MAN1C1: variants seen among roughly 807,000 people sequenced by gnomAD.
MAN1C1 encodes mannosyl-oligosaccharide 1,2-alpha-mannosidase IC.
In MAN1C1, 49 loss-of-function variants were observed where a neutral mutation model predicts 71.5. The observed-to-expected ratio is 0.69, with a 90% CI of 0.54 to 0.87. The LOEUF (loss-of-function observed/expected upper bound fraction) is 0.87. MAN1C1 is among the 40% of genes least tolerant of loss of function. The pLI is 0.00. For missense variants in MAN1C1, 743 were observed against 835.0 expected (o/e 0.89, Z 1.36); for synonymous variants, 352 against 343.7 (o/e 1.02, Z -0.27).
At chr1:25,767,646 TCCCCCCACACACAGACCCACACAGCC>T (rs2047456695) in intron 7 of MAN1C1, among the ~76,000 whole-genome samples, 2 of 75,804 alleles carry the variant, frequency 2.6e-5, no homozygotes, top group Non-Finnish European at 4.5e-5. Context: ...CATTACACAC[TCCCCCCACACACAGACCCACACAGCC>T]ACACTCTCCT....
In MAN1C1 at chr1:25,634,906, A is replaced by G. The variant is rs556853507; in HGVS notation, c.540+16569A>G. Among the ~76,000 whole-genome samples the G allele has an allele frequency of 5.9e-5, 9 of 151,944 alleles. No individual in the cohort carries two copies. In the South Asian group the frequency reaches 1.5e-3, roughly 25 times the overall value. ...TAATATTTTTGTTAAGGATTTTTGC[A>G]TCTATGTTTATGAGGGATATTGGTC... On this transcript the variant is annotated intron_variant, in intron 1 of 11. Coordinates refer to ENST00000374332, the MANE Select transcript of MAN1C1 (RefSeq NM_020379.4). This position sits in a 1 kb window ranked among gnomAD's most constrained non-coding sequence, Gnocchi z 4.6.
intron 1 of MAN1C1, among the ~76,000 whole-genome samples, chr1:25,665,472 A>G (rs530712675): frequency 6.6e-6 from 1 of 152,316 alleles, no homozygotes; most frequent in South Asian, 2.1e-4. Context: ...CCCCAGTAGC[A>G]AGACGGAAAA....
intron 2 of MAN1C1, among the ~76,000 whole-genome samples, chr1:25,706,917 G>T (rs1030324522): frequency 6.6e-6 from 1 of 152,194 alleles, no homozygotes; most frequent in Non-Finnish European, 1.5e-5. Flanking sequence ...TACACAGGCA[G>T]AATAGGGCAT....
chr1:25,656,095 C>CTTTTTTTTTTTTTTGTTT lies in MAN1C1; in HGVS notation c.541-30331_541-30330insGTTTTTTTTTTTTTTTTT, dbSNP rs2045761595. Among the ~76,000 whole-genome samples the CTTTTTTTTTTTTTTGTTT allele has an allele frequency of 2.7e-5, 2 of 74,988 alleles. 1 individual carries two copies. The highest frequency in any genetic ancestry group is 1.6e-4 in the African/African-American group (2 of 12,200). 49.2% of individuals were successfully genotyped at this position (74,988 alleles called of 152,430 possible). ...TATGTCTTAGGTTGGGATTATCAGT[C>CTTTTTTTTTTTTTTGTTT]TTTTTTTTTTTTTTTTTTTTTTGAG... On this transcript the variant is annotated intron_variant, in intron 1 of 11. Transcript: ENST00000374332.
Position 25,619,070 on chromosome 1 carries a change from G to A in MAN1C1, c.540+733G>A, listed in dbSNP as rs547883179. 3.9e-5 allele frequency among the ~76,000 whole-genome samples: 6 copies of A among 152,344 alleles called. No individual in the cohort carries two copies. The South Asian group carries it at 1.2e-3, about 32-fold the overall frequency. ...GATTGTACCAGGAGGGATTTAGAAG[G>A]ATCACTTTAAGTCTGAGTCTTAGTT... On this transcript the variant is annotated intron_variant, in intron 1 of 11. Coordinates refer to ENST00000374332, the MANE Select transcript of MAN1C1 (RefSeq NM_020379.4).
At chr1:25,712,956 A>G (rs1357178085) in intron 2 of MAN1C1, among the ~76,000 whole-genome samples, 1 of 152,210 alleles carries the variant, frequency 6.6e-6, no homozygotes, top group African/African-American at 2.4e-5. Flanking sequence ...TTGACTTGGG[A>G]TTAAACTCCC....
intron 5 of MAN1C1, among the ~76,000 whole-genome samples, chr1:25,755,885 T>C (rs1369083396): frequency 6.6e-6 from 1 of 152,180 alleles, no homozygotes; most frequent in Non-Finnish European, 1.5e-5. Context: ...CAGAGCTTCC[T>C]GCTGGCCCAT....
At chr1:25,731,825 C>T (rs1401407506) in intron 2 of MAN1C1, among the ~76,000 whole-genome samples, 1 of 152,178 alleles carries the variant, frequency 6.6e-6, no homozygotes, top group East Asian at 1.9e-4. Context: ...GAGAAGGCCA[C>T]CTGTCTGGCC....
At chr1:25,707,206 G>A (rs1009251599) in intron 2 of MAN1C1, among the ~76,000 whole-genome samples, 2 of 152,132 alleles carry the variant, frequency 1.3e-5, no homozygotes, top group African/African-American at 4.8e-5. Context: ...CTCAGGGAGC[G>A]GAAATGCCAA....
At chr1:25,768,219 C>A (rs1414548447) in intron 7 of MAN1C1, among the ~76,000 whole-genome samples, 2 of 131,446 alleles carry the variant, frequency 1.5e-5, no homozygotes, top group African/African-American at 5.9e-5. Context: ...CACACATACA[C>A]ACATTACACA....
Position 25,764,096 on chromosome 1 carries a change from C to T in MAN1C1, c.1141+129C>T. On this transcript the variant is annotated intron_variant, in intron 7 of 11. Transcript: ENST00000374332. The surrounding 1 kb of genome is among the most constrained non-coding windows in gnomAD (Gnocchi z 4.4). Reference sequence around the variant, plus strand: ...AGCCATGCAGCCAGCAAGGCATTCGCTCGGTGCTCCTGGACACCACCTGCC... The same window carrying T: ...AGCCATGCAGCCAGCAAGGCATTCGTTCGGTGCTCCTGGACACCACCTGCC... 1 of 723,764 alleles carries T rather than the reference C, an allele frequency of 1.4e-6. No individual in the cohort carries two copies. The highest frequency in any genetic ancestry group is 2.3e-6 in the Non-Finnish European group (1 of 425,862). 44.8% of individuals were successfully genotyped at this position (723,764 alleles called of 1,614,324 possible).
chr1:25,727,405 G>C (rs894189655), intron 2 of MAN1C1, among the ~76,000 whole-genome samples: 18 of 152,240 alleles, frequency 1.2e-4, no homozygotes, highest in Admixed American at 1.0e-3. Context: ...GCGACTGTGT[G>C]AAGGAATGAG....
chr1:25,650,404 C>T (rs1448614808), intron 1 of MAN1C1, among the ~76,000 whole-genome samples: 5 of 152,186 alleles, frequency 3.3e-5, no homozygotes. Flanking sequence ...TTACCAAATA[C>T]AGTGTCCAGT....
chr1:25,718,218 CAT>C (rs770092346), intron 2 of MAN1C1, among the ~76,000 whole-genome samples: 1 of 152,134 alleles, frequency 6.6e-6, no homozygotes, highest in Non-Finnish European at 1.5e-5. Context: ...TAGTTTGTCA[CAT>C]GTTTATCACT....
At chr1:25,770,322 A>G (rs1362181271) in intron 7 of MAN1C1, among the ~76,000 whole-genome samples, 2 of 152,110 alleles carry the variant, frequency 1.3e-5, no homozygotes, top group Non-Finnish European at 2.9e-5. Flanking sequence ...GCCAGGACTT[A>G]TTTCTGGATC....
intron 2 of MAN1C1, among the ~76,000 whole-genome samples, chr1:25,728,149 C>T (rs17163170): frequency 3.9e-5 from 6 of 152,178 alleles, no homozygotes; most frequent in African/African-American, 1.4e-4. Context: ...TGAACTAAAG[C>T]CTGGAGTGAG....
chr1:25,768,492 C>CAG, intron 7 of MAN1C1, among the ~76,000 whole-genome samples: 1 of 115,832 alleles, frequency 8.6e-6, no homozygotes, highest in Non-Finnish European at 1.8e-5. Flanking sequence ...CTCCCCCACA[C>CAG]AGACCCACAC....
rs778386587 is a variant in MAN1C1 at position 25,778,234 on chromosome 1, G to A, written c.1387G>A (p.Ala463Thr). ...CTCCGGGGGCATGATCGCCCTTGGC[G>A]CCGAGGATGCCAAGGAAGAAAAGAG... ...CFSGGMIALGAEDAKEEKRAH... is the reference protein window; with the variant it reads ...CFSGGMIALGTEDAKEEKRAH... Residue 463 changes from alanine to threonine, a missense_variant, in exon 9 of 12, where the codon GCC becomes ACC. Transcript: ENST00000374332. The surrounding 1 kb of genome is among the most constrained non-coding windows in gnomAD (Gnocchi z 5.5). 1.2e-5 allele frequency: 20 copies of A among 1,613,944 alleles called. No individual in the cohort carries two copies. Among genetic ancestry groups the A allele is most frequent in the South Asian group, 5.5e-5 (5 of 91,072 alleles).
At chr1:25,665,296 T>C (rs1010219379) in intron 1 of MAN1C1, among the ~76,000 whole-genome samples, 4 of 152,202 alleles carry the variant, frequency 2.6e-5, no homozygotes, top group African/African-American at 9.6e-5. Flanking sequence ...GGCTGTTGAA[T>C]TGATACCTTC....
Sources: allele counts gnomAD v4.1 joint callset (sites outside exome capture counted in the v4.1 genomes callset), GRCh38; gene constraint gnomAD v4.1.1; non-coding constraint Gnocchi (gnomAD v3.1); transcripts MANE v1.5; gene names NCBI Gene and HGNC (gene_info 2026-07-23, HGNC 2026-07-21).